The following PTPRD variants were observed in gnomAD, a reference collection of about 807,000 sequenced individuals.
The protein encoded by PTPRD is receptor-type tyrosine-protein phosphatase delta.
PTPRD carries 34 observed loss-of-function variants against 214.5 expected under a neutral mutation model. The observed-to-expected ratio is 0.16, with a 90% CI of 0.12 to 0.21. PTPRD has a LOEUF of 0.21. Ranked by LOEUF, PTPRD falls within the 10% of genes least tolerant of loss-of-function variation. The pLI is 1.00. For synonymous variants in PTPRD, 1,128 were observed against 845.7 expected (o/e 1.33, Z -5.79); for missense variants, 2,545 against 2,398.7 (o/e 1.06, Z -1.27).
intron 2 of PTPRD, among the ~76,000 whole-genome samples, chr9:10,513,671 T>G (rs1358644294): frequency 6.6e-6 from 1 of 152,176 alleles, no homozygotes; most frequent in Non-Finnish European, 1.5e-5. Flanking sequence ...AGGTGATGTG[T>G]GTCACTTCCT....
At chr9:10,331,738 A>T (rs1419918237) in intron 3 of PTPRD, among the ~76,000 whole-genome samples, 1 of 151,878 alleles carries the variant, frequency 6.6e-6, no homozygotes, top group Non-Finnish European at 1.5e-5. Flanking sequence ...TTTGTCATGC[A>T]GATTGATATC....
chr9:9,391,394 A>C (rs2065796726), intron 9 of PTPRD, among the ~76,000 whole-genome samples: 1 of 152,206 alleles, frequency 6.6e-6, no homozygotes, highest in East Asian at 1.9e-4. Flanking sequence ...GATTTGACTA[A>C]TGGGTAAAAC....
chr9:8,439,863 C>T (rs1451975391), intron 34 of PTPRD, among the ~76,000 whole-genome samples: 1 of 151,220 alleles, frequency 6.6e-6, no homozygotes, highest in Non-Finnish European at 1.5e-5. Context: ...GCAACCTGAC[C>T]ACTGCTCAGT....
At chr9:9,089,691 G>C (rs2099772741) in intron 10 of PTPRD, among the ~76,000 whole-genome samples, 1 of 152,082 alleles carries the variant, frequency 6.6e-6, no homozygotes, top group Non-Finnish European at 1.5e-5. Flanking sequence ...TGTTGATTTT[G>C]AGATTTTATA....
At chr9:8,810,300 C>T (rs1056932931) in intron 11 of PTPRD, among the ~76,000 whole-genome samples, 2 of 152,188 alleles carry the variant, frequency 1.3e-5, no homozygotes, top group Non-Finnish European at 2.9e-5. Context: ...ATTTCCTTGG[C>T]TTTGAGATGA....
intron 4 of PTPRD, among the ~76,000 whole-genome samples, chr9:9,941,191 G>A (rs1342960793): frequency 1.3e-5 from 2 of 152,182 alleles, no homozygotes; most frequent in Admixed American, 6.5e-5. Flanking sequence ...GGATGGACAA[G>A]CTTGATTTAG....
At chr9:8,728,061 A>C (rs1205182765) in intron 12 of PTPRD, among the ~76,000 whole-genome samples, 2 of 152,106 alleles carry the variant, frequency 1.3e-5, no homozygotes, top group Non-Finnish European at 2.9e-5. Flanking sequence ...CAGCCTGACC[A>C]ATATGGAGAA....
chr9:10,046,890 T>C (rs2097408338), intron 3 of PTPRD, among the ~76,000 whole-genome samples: 1 of 152,040 alleles, frequency 6.6e-6, no homozygotes, highest in Non-Finnish European at 1.5e-5. Context: ...ACCTGTCATA[T>C]AAAAATGTGT....
intron 2 of PTPRD, among the ~76,000 whole-genome samples, chr9:10,355,050 T>A (rs1366529688): frequency 6.6e-6 from 1 of 152,208 alleles, no homozygotes; most frequent in African/African-American, 2.4e-5. Context: ...AAAATAAATT[T>A]CTTAGAATTG....
At chr9:10,435,187 G>A (rs1395047058) in intron 2 of PTPRD, among the ~76,000 whole-genome samples, 2 of 151,840 alleles carry the variant, frequency 1.3e-5, no homozygotes, top group Non-Finnish European at 2.9e-5. Context: ...ACAATCTGTG[G>A]AAACTGAACA....
intron 11 of PTPRD, among the ~76,000 whole-genome samples, chr9:8,942,400 G>T (rs1212280907): frequency 6.6e-6 from 1 of 152,118 alleles, no homozygotes; most frequent in African/African-American, 2.4e-5. Flanking sequence ...CCTCGTAGTT[G>T]ACATGGCCAT....
chr9:10,569,427 T>A (rs1362624095), intron 2 of PTPRD, among the ~76,000 whole-genome samples: 2 of 152,136 alleles, frequency 1.3e-5, no homozygotes, highest in Non-Finnish European at 2.9e-5. Context: ...TTTAAATTAT[T>A]ATTTTAATAA....
chr9:10,473,082 T>C (rs1057363449), intron 2 of PTPRD, among the ~76,000 whole-genome samples: 1 of 152,082 alleles, frequency 6.6e-6, no homozygotes, highest in Non-Finnish European at 1.5e-5. Context: ...TATATCACGC[T>C]CCAGTACCCA....
At chr9:9,175,637 A>AG (rs2099924309) in intron 10 of PTPRD, among the ~76,000 whole-genome samples, 1 of 151,492 alleles carries the variant, frequency 6.6e-6, no homozygotes, top group Non-Finnish European at 1.5e-5. Flanking sequence ...AAAAAAAAAA[A>AG]AAAAAAAAAA....
chr9:9,328,861 C>G (rs1259969774), intron 9 of PTPRD, among the ~76,000 whole-genome samples: 1 of 151,338 alleles, frequency 6.6e-6, no homozygotes, highest in Non-Finnish European at 1.5e-5. Flanking sequence ...TGGTCTTGAA[C>G]TCCTGACCTC....
intron 5 of PTPRD, among the ~76,000 whole-genome samples, chr9:9,770,477 G>C (rs2098743379): frequency 6.6e-6 from 1 of 152,060 alleles, no homozygotes; most frequent in African/African-American, 2.4e-5. Flanking sequence ...GTTATATAAA[G>C]ATGCAATATG....
chr9:8,912,354 A>G (rs1486309581), intron 11 of PTPRD, among the ~76,000 whole-genome samples: 3 of 152,194 alleles, frequency 2.0e-5, no homozygotes, highest in Non-Finnish European at 4.4e-5. Flanking sequence ...AAACCCTAAA[A>G]CATGGATGAA....
intron 5 of PTPRD, among the ~76,000 whole-genome samples, chr9:9,820,962 T>C (rs908506618): frequency 6.6e-6 from 1 of 152,102 alleles, no homozygotes; most frequent in African/African-American, 2.4e-5. Flanking sequence ...CTTTGGCTAT[T>C]TTTTGGTTCC....
intron 27 of PTPRD, among the ~76,000 whole-genome samples, chr9:8,487,976 C>G (rs1191690468): frequency 1.3e-5 from 2 of 152,074 alleles, no homozygotes; most frequent in East Asian, 1.9e-4. Context: ...CTGCAGTGAG[C>G]TATGATCACA....
Sources: allele counts gnomAD v4.1 joint callset (sites outside exome capture counted in the v4.1 genomes callset), GRCh38; gene constraint gnomAD v4.1.1; transcripts MANE v1.5; gene names NCBI Gene and HGNC (gene_info 2026-07-23, HGNC 2026-07-21).